The following OPA3 variants were observed in gnomAD, a reference collection of about 807,000 sequenced individuals.
OPA3 encodes outer mitochondrial membrane lipid metabolism regulator OPA3, also known as optic atrophy 3 protein.
Under a neutral mutation model 4.0 loss-of-function variants are expected in OPA3, and 6 were observed. The observed-to-expected ratio is 1.51, with a 90% CI of 0.83 to 2.99. The LOEUF (loss-of-function observed/expected upper bound fraction) is 2.99. OPA3 is among the 30% of genes most tolerant of loss of function. OPA3 has a pLI of 0.00. For missense variants in OPA3, 235 were observed against 256.2 expected, an observed-to-expected ratio of 0.92 and a Z score of 0.56; for synonymous variants, 105 against 117.1, an observed-to-expected ratio of 0.90 and a Z score of 0.67.
intron 1 of OPA3, among the ~76,000 whole-genome samples, chr19:45,530,262 G>A (rs896516723): frequency 6.6e-6 from 1 of 152,072 alleles, no homozygotes; most frequent in Admixed American, 6.6e-5. Context: ...GTTGAAGCAG[G>A]AGAATCGCTT....
At position 45,562,738 on chromosome 19, in the gene OPA3, T is replaced by C. The variant is rs991807015; in HGVS notation, c.143-8827A>G. Among the ~76,000 whole-genome samples the C allele has an allele frequency of 3.3e-5, 5 of 152,294 alleles. No individual in the cohort carries two copies. The South Asian group carries it at 8.3e-4, about 25-fold the overall frequency. On this transcript the variant is annotated intron_variant, in intron 1 of 1. Coordinates refer to ENST00000263275, the MANE Select transcript of OPA3 (RefSeq NM_025136.4). The stretch of plus-strand genomic sequence containing the variant: ...TGACACCTAAATGAACGTGCATTTC[T>C]GGAGAAGATCCTGGAACAGGCAGAA...
intron 1 of OPA3, among the ~76,000 whole-genome samples, chr19:45,561,389 C>T (rs1004796388): frequency 3.3e-5 from 5 of 152,054 alleles, no homozygotes; most frequent in African/African-American, 1.2e-4. Context: ...ATTGGGAACA[C>T]GCCTGCATAC....
At chr19:45,582,514 C>T (rs912434326) in intron 1 of OPA3, among the ~76,000 whole-genome samples, 2 of 151,284 alleles carry the variant, frequency 1.3e-5, no homozygotes, top group Admixed American at 1.3e-4. Context: ...CTCGGTCTGT[C>T]GCCCAGGCTG....
intron 1 of OPA3, among the ~76,000 whole-genome samples, chr19:45,539,439 C>CA (rs1969158240): frequency 6.6e-6 from 1 of 152,032 alleles, no homozygotes; most frequent in African/African-American, 2.4e-5. Flanking sequence ...AAAAACATCA[C>CA]AAAAAAGTTT....
downstream of OPA3, among the ~76,000 whole-genome samples, chr19:45,543,898 T>C (rs1568398440): frequency 6.6e-6 from 1 of 152,222 alleles, no homozygotes; most frequent in East Asian, 1.9e-4. Context: ...TAGCCTCCAG[T>C]GAGCTACCTG....
intron 1 of OPA3, among the ~76,000 whole-genome samples, chr19:45,573,183 T>C (rs1969714121): frequency 6.6e-6 from 1 of 152,108 alleles, no homozygotes; most frequent in Admixed American, 6.6e-5. Context: ...CACAAGGCTG[T>C]TGCCTGCCCA....
intron 1 of OPA3, among the ~76,000 whole-genome samples, chr19:45,556,760 A>AGTCACT (rs961629617): frequency 3.3e-5 from 5 of 152,170 alleles, no homozygotes; most frequent in Admixed American, 6.6e-5. Flanking sequence ...GGGCCCGAGA[A>AGTCACT]GTCACTGTCA....
intron 1 of OPA3, among the ~76,000 whole-genome samples, chr19:45,581,797 TTTTG>T (rs1198071262): frequency 4.0e-5 from 6 of 151,872 alleles, no homozygotes; most frequent in Non-Finnish European, 4.4e-5. Flanking sequence ...CGGGAGGGTG[TTTTG>T]TTTGTTTGTT....
At chr19:45,563,229 G>A (rs1332966369) in intron 1 of OPA3, among the ~76,000 whole-genome samples, 3 of 152,114 alleles carry the variant, frequency 2.0e-5, no homozygotes, top group African/African-American at 7.2e-5. Context: ...GCTCGATCTT[G>A]GCTCACTGCA....
chr19:45,545,644 T>G (rs888411096), downstream of OPA3, among the ~76,000 whole-genome samples: 1 of 152,000 alleles, frequency 6.6e-6, no homozygotes, highest in Admixed American at 6.6e-5. Flanking sequence ...TTAGTCTTCA[T>G]GCTGGCCCAA....
downstream of OPA3, among the ~76,000 whole-genome samples, chr19:45,541,539 C>T (rs1416061653): frequency 6.6e-6 from 1 of 152,020 alleles, no homozygotes; most frequent in Non-Finnish European, 1.5e-5. Flanking sequence ...GACCTGGTCT[C>T]TACTAAAAAA....
intron 1 of OPA3, among the ~76,000 whole-genome samples, chr19:45,530,240 G>A (rs1969044623): frequency 6.6e-6 from 1 of 152,054 alleles, no homozygotes; most frequent in South Asian, 2.1e-4. Context: ...TCTAATACCA[G>A]CTACTCTGGA....
intron 1 of OPA3, among the ~76,000 whole-genome samples, chr19:45,537,274 C>T (rs1284645625): frequency 3.3e-5 from 5 of 150,494 alleles, no homozygotes; most frequent in Admixed American, 1.3e-4. Flanking sequence ...CTGCAACCTC[C>T]GCCTCCCAGC....
downstream of OPA3, among the ~76,000 whole-genome samples, chr19:45,541,410 C>T (rs1189144790): frequency 2.0e-5 from 3 of 151,986 alleles, no homozygotes; most frequent in Admixed American, 2.0e-4. Flanking sequence ...CAGAGTCACC[C>T]CTCATTTAAT....
At chr19:45,581,858 GTGCAATCTCGGATCAC>G (rs1245245437) in intron 1 of OPA3, among the ~76,000 whole-genome samples, 1 of 152,204 alleles carries the variant, frequency 6.6e-6, no homozygotes, top group Non-Finnish European at 1.5e-5. Flanking sequence ...GAGGGCAGTG[GTGCAATCTCGGATCAC>G]TGCAACCTCT....
At chr19:45,558,527 C>T (rs1420011751) in intron 1 of OPA3, among the ~76,000 whole-genome samples, 1 of 152,110 alleles carries the variant, frequency 6.6e-6, no homozygotes, top group African/African-American at 2.4e-5. Context: ...TCCTGGACAG[C>T]CCATAGTAAG....
chr19:45,544,358 C>T (rs1179814667), downstream of OPA3, among the ~76,000 whole-genome samples: 1 of 152,160 alleles, frequency 6.6e-6, no homozygotes, highest in East Asian at 1.9e-4. Context: ...TATTATTCAG[C>T]CATAAAAAGG....
chr19:45,560,973 A>G (rs1466488747), intron 1 of OPA3, among the ~76,000 whole-genome samples: 1 of 152,220 alleles, frequency 6.6e-6, no homozygotes, highest in Non-Finnish European at 1.5e-5. Flanking sequence ...CCCTTTCCTC[A>G]GGAAATGTGC....
Position 45,553,362 on chromosome 19 carries a change from C to G in OPA3, c.*152G>C. The G allele has an allele frequency of 1.3e-6, 2 of 1,533,836 alleles. No individual in the cohort carries two copies. The highest frequency in any genetic ancestry group is 1.7e-6 in the Non-Finnish European group (2 of 1,146,012). ...ACCTGCTGGTCCCAGTGGCAGGTAA[C>G]GGCTGCTCTTATCAGCAGGGGTAAC... On this transcript the variant is annotated 3_prime_UTR_variant, in exon 2 of 2. Coordinates refer to ENST00000263275, the MANE Select transcript of OPA3 (RefSeq NM_025136.4).
Sources: allele counts gnomAD v4.1 joint callset (sites outside exome capture counted in the v4.1 genomes callset), GRCh38; gene constraint gnomAD v4.1.1; transcripts MANE v1.5; gene names NCBI Gene and HGNC (gene_info 2026-07-23, HGNC 2026-07-21).